The following ADCY9 variants were observed in gnomAD, a reference collection of about 807,000 sequenced individuals.
The protein encoded by ADCY9 is adenylate cyclase 9.
ADCY9 carries 50 observed loss-of-function variants against 101.5 expected under a neutral mutation model. The observed-to-expected ratio is 0.49, with a 90% CI of 0.39 to 0.62. The LOEUF is 0.62. Among genes scored for constraint, ADCY9 ranks in the 20% least tolerant of loss-of-function variants. The pLI is 0.00. For missense variants in ADCY9, 1,662 were observed against 1,800.4 expected, an observed-to-expected ratio of 0.92 and a Z score of 1.39; for synonymous variants, 905 against 769.3, an observed-to-expected ratio of 1.18 and a Z score of -2.92.
At chr16:4,026,589 C>T (rs1267109235) in intron 2 of ADCY9, among the ~76,000 whole-genome samples, 1 of 152,156 alleles carries the variant, frequency 6.6e-6, no homozygotes, top group Non-Finnish European at 1.5e-5. Context: ...TGGAAACCAA[C>T]CTAATGTCCT....
At chr16:4,112,632 G>A (rs529255359) in intron 2 of ADCY9, among the ~76,000 whole-genome samples, 1 of 151,964 alleles carries the variant, frequency 6.6e-6, no homozygotes, top group East Asian at 1.9e-4. Flanking sequence ...TTCTTCCGAG[G>A]ATTCCCTTTC....
At chr16:4,113,446 C>G (rs1479026754) in intron 2 of ADCY9, among the ~76,000 whole-genome samples, 1 of 152,208 alleles carries the variant, frequency 6.6e-6, no homozygotes, top group Non-Finnish European at 1.5e-5. Flanking sequence ...GCTCCATACC[C>G]TTACATTCAC....
chr16:4,039,675 G>C (rs1470321097), intron 2 of ADCY9, among the ~76,000 whole-genome samples: 1 of 102,644 alleles, frequency 9.7e-6, no homozygotes, highest in Non-Finnish European at 1.8e-5. Flanking sequence ...GTGAAACTCT[G>C]TCTCAAAAAA....
chr16:4,054,224 G>C (rs1484957214), intron 2 of ADCY9: 1 of 152,108 alleles, frequency 6.6e-6, no homozygotes, highest in Non-Finnish European at 1.5e-5. Flanking sequence ...TTAAATAGCA[G>C]AGACAATGGG....
intron 3 of ADCY9, among the ~76,000 whole-genome samples, chr16:3,993,973 G>A (rs1422148394): frequency 6.6e-6 from 1 of 152,142 alleles, no homozygotes; most frequent in Non-Finnish European, 1.5e-5. Flanking sequence ...GCTGCCAGGC[G>A]GGACCGGGGG....
chr16:4,073,440 G>A (rs2056847604), intron 2 of ADCY9, among the ~76,000 whole-genome samples: 1 of 149,294 alleles, frequency 6.7e-6, no homozygotes, highest in Non-Finnish European at 1.5e-5. Flanking sequence ...CAGTTGCCCA[G>A]ACTGGAATGC....
intron 2 of ADCY9, among the ~76,000 whole-genome samples, chr16:4,027,357 C>T (rs1597175170): frequency 2.0e-5 from 3 of 152,326 alleles, no homozygotes; most frequent in Admixed American, 2.0e-4. Context: ...CAAGACCCTC[C>T]ACTGGTAACA....
chr16:4,050,814 T>C (rs1210363339), intron 2 of ADCY9, among the ~76,000 whole-genome samples: 1 of 151,922 alleles, frequency 6.6e-6, no homozygotes, highest in East Asian at 1.9e-4. Flanking sequence ...ACTTAGATCC[T>C]GGTTTCTAAA....
intron 2 of ADCY9, among the ~76,000 whole-genome samples, chr16:4,102,136 G>A (rs971704078): frequency 3.9e-5 from 6 of 152,152 alleles, no homozygotes; most frequent in Non-Finnish European, 7.3e-5. Context: ...AGCCAGCGGG[G>A]AGCGTTAGTT....
At chr16:4,000,968 T>TGCACACACACAC (rs1555508135) in intron 3 of ADCY9, among the ~76,000 whole-genome samples, 3 of 125,258 alleles carry the variant, frequency 2.4e-5, no homozygotes, top group Non-Finnish European at 5.1e-5. Flanking sequence ...TCCCTCTCTC[T>TGCACACACACAC]ACACACACAC....
chr16:3,970,754 T>C (rs2056044131), intron 10 of ADCY9, among the ~76,000 whole-genome samples: 1 of 152,216 alleles, frequency 6.6e-6, no homozygotes. Context: ...CCAAAAGCCC[T>C]GGCCGTGGGT....
chr16:3,986,097 C>T (rs564956785), intron 6 of ADCY9, among the ~76,000 whole-genome samples: 313 of 152,378 alleles, frequency 2.1e-3, no homozygotes, highest in Middle Eastern at 0.01. Flanking sequence ...CATCAGAGCA[C>T]AGGCTCTGCA....
chr16:3,986,450 GTTT>G (rs375371460), intron 6 of ADCY9, among the ~76,000 whole-genome samples: 1 of 151,988 alleles, frequency 6.6e-6, no homozygotes, highest in African/African-American at 2.4e-5. Flanking sequence ...ATACATGTTT[GTTT>G]TTTTTCTTTT....
chr16:4,087,936 CTTTT>C lies in ADCY9; in HGVS notation c.1693+25810_1693+25813del, dbSNP rs932778364. ...TTCGTTTCTTTCTTCCTTTCTTCTT[CTTTT>C]TTTTTGTTTTTTTGCGACAGAGTCT... is the stretch of plus-strand genomic sequence containing the variant. On this transcript the variant is annotated intron_variant, in intron 2 of 10. Transcript: ENST00000294016. Among the ~76,000 whole-genome samples the C allele has an allele frequency of 6.8e-4, 98 of 143,232 alleles. 1 individual carries two copies. Among genetic ancestry groups the C allele is most frequent in the African/African-American group, 2.6e-3 (95 of 36,024 alleles). The allele number at this position is 143,232 out of a possible 152,430, so 94.0% of individuals were successfully genotyped here.
At chr16:4,097,578 G>C (rs1221755120) in intron 2 of ADCY9, among the ~76,000 whole-genome samples, 30 of 79,968 alleles carry the variant, frequency 3.8e-4, no homozygotes, top group Non-Finnish European at 6.0e-4. Context: ...TTTTAAGACA[G>C]AGTCTTGCTC....
intron 2 of ADCY9, among the ~76,000 whole-genome samples, chr16:4,076,450 ATCAGCTTACATAACCTAACTCGTCC>A (rs1275040665): frequency 3.3e-5 from 5 of 152,220 alleles, no homozygotes; most frequent in Non-Finnish European, 7.3e-5. Flanking sequence ...TTCGTGTTCC[ATCAGCTTACATAACCTAACTCGTCC>A]CACACAAAGA....
At chr16:4,034,347 T>G (rs960276226) in intron 2 of ADCY9, among the ~76,000 whole-genome samples, 1 of 152,218 alleles carries the variant, frequency 6.6e-6, no homozygotes, top group South Asian at 2.1e-4. Flanking sequence ...TGCCATATAA[T>G]GCTACTATCC....
At chr16:3,990,775 G>A (rs199678960) in intron 5 of ADCY9, among the ~76,000 whole-genome samples, 1 of 51,294 alleles carries the variant, frequency 1.9e-5, no homozygotes, top group African/African-American at 3.6e-5. Context: ...AAGCGACACT[G>A]CTATTAGCTG....
rs181536473 is a variant in ADCY9 at position 4,026,376 on chromosome 16, A to T, written c.1694-18818T>A. Among the ~76,000 whole-genome samples, 22 of 146,598 alleles carry T rather than the reference A, an allele frequency of 1.5e-4. No homozygotes were observed. In the East Asian group the frequency reaches 3.4e-3, roughly 23 times the overall value. On this transcript the variant is annotated intron_variant, in intron 2 of 10. Transcript: ENST00000294016. The stretch of plus-strand genomic sequence containing the variant: ...GAGGCGGACATTGCAGTGAGCTGAG[A>T]TCACGCCATTGCACTCCAGCCTGAG...
Sources: allele counts gnomAD v4.1 joint callset (sites outside exome capture counted in the v4.1 genomes callset), GRCh38; gene constraint gnomAD v4.1.1; transcripts MANE v1.5; gene names NCBI Gene and HGNC (gene_info 2026-07-23, HGNC 2026-07-21).